P4HTM: variants seen among roughly 807,000 people sequenced by gnomAD.
P4HTM encodes transmembrane prolyl 4-hydroxylase.
Under a neutral mutation model 55.3 loss-of-function variants are expected in P4HTM, and 33 were observed. That is an observed-to-expected ratio of 0.60 (90% CI 0.45 to 0.80). The LOEUF is 0.80. P4HTM is among the 30% of genes least tolerant of loss of function. P4HTM has a pLI of 0.00. For synonymous variants in P4HTM, 272 were observed against 286.4 expected (o/e 0.95, Z 0.51); for missense variants, 542 against 696.5 (o/e 0.78, Z 2.50).
intron 6 of P4HTM, 93 bp from the exon 7 acceptor site, chr3:49,005,684 C>T: frequency 6.7e-7 from 1 of 1,495,600 alleles, no homozygotes; most frequent in Non-Finnish European, 8.9e-7. Context: ...TGGTCCCTGG[C>T]AACAGGAACC....
chr3:49,001,641 G>A lies in P4HTM; in HGVS notation c.627+13G>A, dbSNP rs1576606585. 1 of 1,604,758 alleles carries A rather than the reference G, an allele frequency of 6.2e-7. No homozygotes were observed. The highest frequency in any genetic ancestry group is 2.2e-5 in the East Asian group (1 of 44,640). On this transcript the variant is annotated intron_variant, in intron 3 of 8. Coordinates refer to ENST00000383729, the MANE Select transcript of P4HTM (RefSeq NM_177939.3). ...TCAGCTCCGTGAGGTTGGAATCCTG[G>A]GACCTGAGTAGGCTCAGGGTGGGAG... is the stretch of plus-strand genomic sequence containing the variant.
chr3:49,002,484 C>T lies in P4HTM; in HGVS notation c.628-16C>T. The T allele has an allele frequency of 6.3e-7, 1 of 1,595,444 alleles. No homozygotes were observed. Among genetic ancestry groups the T allele is most frequent in the South Asian group, 1.1e-5 (1 of 90,684 alleles). ...ATCACTGGGGTCACCCACTGAGGGA[C>T]CCTCTTATGCTTTAGGTTCTGGCCC... is the stretch of plus-strand genomic sequence containing the variant. On this transcript the variant is annotated splice_polypyrimidine_tract_variant and intron_variant, in intron 3 of 8. Coordinates refer to ENST00000383729, the MANE Select transcript of P4HTM (RefSeq NM_177939.3). The surrounding 1 kb of genome is among the most constrained non-coding windows in gnomAD (Gnocchi z 4.4).
Position 49,005,790 on chromosome 3 carries a change from C to T in P4HTM, c.1087C>T (p.Leu363=), listed in dbSNP as rs529007688. The T allele has an allele frequency of 9.9e-5, 158 of 1,599,226 alleles. No homozygotes were observed. The South Asian group carries it at 1.4e-3, about 14-fold the overall frequency. ...FETSCRYMTV[L]FYLNNVTGGG... The stretch of plus-strand genomic sequence containing the variant: ...CCTGCCTTACAGCTACATGACAGTG[C>T]TGTTTTATTTGAACAACGTCACTGG... Residue 363 remains leucine (L), a synonymous_variant, in exon 7 of 9, where the codon CTG becomes TTG. Transcript: ENST00000383729.
intron 4 of P4HTM, chr3:49,003,822 G>A: frequency 2.6e-6 from 1 of 377,546 alleles, no homozygotes; most frequent in South Asian, 3.9e-5. Context: ...AACCTTCTCT[G>A]GCCACTCTAA....
In P4HTM at chr3:48,994,770, ATGGC is replaced by A. The variant is rs564658406; in HGVS notation, c.436+3858_436+3861del. ...ATTCTGTCATAGCAGATCAGATCTCATGGCTCTCTCTTTTTGTTTTGTTTTGTTT... is the reference window on the plus strand; with the variant it reads ...ATTCTGTCATAGCAGATCAGATCTCATCTCTCTTTTTGTTTTGTTTTGTTT... On this transcript the variant is annotated intron_variant, in intron 2 of 8. Coordinates refer to ENST00000383729, the MANE Select transcript of P4HTM (RefSeq NM_177939.3). Among the ~76,000 whole-genome samples the A allele has an allele frequency of 3.4e-3, 513 of 151,886 alleles. 5 individuals carry two copies. The highest frequency in any genetic ancestry group is 0.012 in the African/African-American group (483 of 41,432).
intron 2 of P4HTM, chr3:48,991,756 T>G (rs1201225417): frequency 6.6e-6 from 1 of 152,206 alleles, no homozygotes; most frequent in Non-Finnish European, 1.5e-5. Flanking sequence ...AGACCACCAG[T>G]GTCAACTGGG....
rs747477409 is a variant in P4HTM at position 49,004,235 on chromosome 3, C to T, written c.862C>T (p.His288Tyr). Residue 288 changes from histidine (H) to tyrosine (Y), a missense_variant, in exon 5 of 9, where the codon CAC becomes TAC. Around this residue, in one of 2 missense-constraint regions of P4HTM, gnomAD observed 536 missense variants for 672.1 expected, o/e 0.80. Transcript: ENST00000383729. ...GCTCTACCAGGGTGAGGGTGCCCAC[C>T]ACATCATGCGTGCCATCCGCCAGAG... ...TWLYQGEGAHHIMRAIRQRVL... is the reference protein window; with the variant it reads ...TWLYQGEGAHYIMRAIRQRVL... 2.4e-5 allele frequency: 37 copies of T among 1,548,520 alleles called. No homozygotes were observed. The highest frequency in any genetic ancestry group is 6.9e-5 in the African/African-American group (5 of 72,982).
intron 2 of P4HTM, 179 bp from the exon 3 acceptor site, chr3:49,001,259 T>C (rs2092960243): frequency 1.5e-6 from 1 of 647,270 alleles, no homozygotes; most frequent in Non-Finnish European, 2.8e-6. Context: ...CAGCCAGCCT[T>C]TGCAGGACAA....
chr3:49,001,826 A>G (rs1017880780), intron 3 of P4HTM, among the ~76,000 whole-genome samples, 198 bp downstream of exon 3: 1 of 152,244 alleles, frequency 6.6e-6, no homozygotes, highest in African/African-American at 2.4e-5. Context: ...AGAAGATGGC[A>G]GGAGAATCCA....
intron 5 of P4HTM, 158 bp downstream of exon 5, chr3:49,004,418 C>A (rs1433864540): frequency 1.3e-6 from 1 of 794,166 alleles, no homozygotes; most frequent in Non-Finnish European, 1.9e-6. Flanking sequence ...GAAAGACAGG[C>A]AATTAACAAA....
At chr3:49,005,755 C>A (rs1260345994) in intron 6 of P4HTM, 22 bp from the exon 7 acceptor site, 1 of 1,586,738 alleles carries the variant, frequency 6.3e-7, no homozygotes, top group Non-Finnish European at 8.6e-7. Flanking sequence ...GGGACCTGCT[C>A]AGTGCCCCCC....
intron 2 of P4HTM, among the ~76,000 whole-genome samples, chr3:48,998,777 A>G (rs2092953273): frequency 6.6e-6 from 1 of 152,186 alleles, no homozygotes; most frequent in African/African-American, 2.4e-5. Context: ...AGTTCTGCTG[A>G]CATGGCCACC....
At chr3:48,991,682 C>T (rs1252066068) in intron 2 of P4HTM, 1 of 152,200 alleles carries the variant, frequency 6.6e-6, no homozygotes, top group African/African-American at 2.4e-5. Flanking sequence ...ACCCACATAG[C>T]CTGCCTCTAA....
At chr3:48,997,623 C>A (rs1182916758) in intron 2 of P4HTM, 2 of 152,242 alleles carry the variant, frequency 1.3e-5, no homozygotes, top group African/African-American at 4.8e-5. Context: ...CAGTCCCCTC[C>A]ACCTAGTAGA....
intron 4 of P4HTM, chr3:49,003,735 C>T (rs890934055): frequency 2.6e-5 from 5 of 191,890 alleles, no homozygotes; most frequent in Admixed American, 2.3e-4. Context: ...CTCCACAGGC[C>T]GGAGAGTGGC....
rs774250780 is a variant in P4HTM, at chr3:49,005,481, C to T, written c.1074-296C>T. ...CCCATCCCCAAGGAGCCCTTCAGCG[C>T]GCCCTGTTGCTTCTGCTAGCCTACC... On this transcript the variant is annotated intron_variant, in intron 6 of 8. Transcript: ENST00000383729. 229 of 1,348,154 alleles carry T rather than the reference C, an allele frequency of 1.7e-4. 1 individual carries two copies. Among genetic ancestry groups the T allele is most frequent in the South Asian group, 1.1e-3 (54 of 46,986 alleles). The allele number at this position is 1,348,154 out of a possible 1,614,324, so 83.5% of individuals were successfully genotyped here.
chr3:48,993,149 A>G (rs1427504923), intron 2 of P4HTM, among the ~76,000 whole-genome samples: 1 of 152,066 alleles, frequency 6.6e-6, no homozygotes, highest in Non-Finnish European at 1.5e-5. Flanking sequence ...CTAAAAATAC[A>G]ACATTAGCAG....
At chr3:49,003,981 C>T (rs919503339) in intron 4 of P4HTM, 117 bp from the exon 5 acceptor site, 1 of 991,734 alleles carries the variant, frequency 1.0e-6, no homozygotes, top group African/African-American at 1.6e-5. Flanking sequence ...TACAAGGCCC[C>T]TCAGTGCCTG....
chr3:49,005,884 C>A lies in P4HTM; in HGVS notation c.1164+17C>A. 6.5e-7 allele frequency: 1 copy of A among 1,536,784 alleles called. No individual in the cohort carries two copies. Among genetic ancestry groups the A allele is most frequent in the South Asian group, 1.3e-5 (1 of 79,582 alleles). ...GATGAAATGGTAAGGGTCAACTGGG[C>A]TATTACTCTTGTGGGCTGGCAGGGG... On this transcript the variant is annotated intron_variant, in intron 7 of 8. Coordinates refer to ENST00000383729, the MANE Select transcript of P4HTM (RefSeq NM_177939.3).
Sources: allele counts gnomAD v4.1 joint callset (sites outside exome capture counted in the v4.1 genomes callset), GRCh38; gene constraint gnomAD v4.1.1; regional missense constraint gnomAD v4.1.1; non-coding constraint Gnocchi (gnomAD v3.1); transcripts MANE v1.5; gene names NCBI Gene and HGNC (gene_info 2026-07-23, HGNC 2026-07-21).